The following ZNF521 variants were observed in gnomAD, a reference collection of about 807,000 sequenced individuals.
ZNF521 encodes zinc finger protein 521.
ZNF521 carries 14 observed loss-of-function variants against 105.5 expected under a neutral mutation model. The ratio of observed to expected loss-of-function variants is 0.13; its 90% CI spans 0.09 to 0.21. The LOEUF is 0.21. Ranked by LOEUF, ZNF521 falls within the 10% of genes least tolerant of loss-of-function variation. The probability of loss-of-function intolerance (pLI) is 1.00; values close to 1 mark genes in which losing one functional copy is unlikely to be tolerated. For missense variants in ZNF521, 1,233 were observed against 1,629.7 expected, an observed-to-expected ratio of 0.76 and a Z score of 4.19; for synonymous variants, 635 against 606.0, an observed-to-expected ratio of 1.05 and a Z score of -0.70.
intron 5 of ZNF521, among the ~76,000 whole-genome samples, chr18:25,119,397 C>A (rs75889995): frequency 6.6e-6 from 1 of 152,044 alleles, no homozygotes; most frequent in Non-Finnish European, 1.5e-5. Context: ...ATACATTCAT[C>A]AAGATTGACC....
chr18:25,246,729 A>T (rs1907750907), intron 3 of ZNF521, among the ~76,000 whole-genome samples: 1 of 152,218 alleles, frequency 6.6e-6, no homozygotes, highest in African/African-American at 2.4e-5. Flanking sequence ...TAATGTGAGC[A>T]TTGATTTCCT....
chr18:25,339,533 C>G (rs1914082964), intron 2 of ZNF521, among the ~76,000 whole-genome samples: 1 of 152,108 alleles, frequency 6.6e-6, no homozygotes, highest in South Asian at 2.1e-4. Context: ...ATAACTCTAC[C>G]AGGATATAGA....
At chr18:25,105,136 A>G (rs907377225) in intron 5 of ZNF521, among the ~76,000 whole-genome samples, 1 of 152,198 alleles carries the variant, frequency 6.6e-6, no homozygotes, top group Non-Finnish European at 1.5e-5. Context: ...TTCTTCCTCT[A>G]CCAGATACTC....
At chr18:25,214,332 A>G (rs2036243936) in intron 4 of ZNF521, among the ~76,000 whole-genome samples, 1 of 152,032 alleles carries the variant, frequency 6.6e-6, no homozygotes, top group African/African-American at 2.4e-5. Context: ...TCCCCTTTTC[A>G]TTATTAATAT....
chr18:25,168,845 G>T (rs1600112728), intron 5 of ZNF521, among the ~76,000 whole-genome samples: 1 of 152,094 alleles, frequency 6.6e-6, no homozygotes, highest in Non-Finnish European at 1.5e-5. Context: ...GGGAAGGCAG[G>T]TTAGTATTTC....
At chr18:25,113,793 C>CACACACACACAG (rs1053377440) in intron 5 of ZNF521, among the ~76,000 whole-genome samples, 4 of 147,868 alleles carry the variant, frequency 2.7e-5, no homozygotes, top group African/African-American at 9.9e-5. Context: ...CACACACACA[C>CACACACACACAG]AGAGACGGGG....
intron 3 of ZNF521, among the ~76,000 whole-genome samples, chr18:25,290,466 G>C (rs1371881158): frequency 6.6e-6 from 1 of 152,182 alleles, no homozygotes; most frequent in East Asian, 1.9e-4. Context: ...TGGGCCCCTC[G>C]CTGGGAGCCC....
intron 7 of ZNF521, among the ~76,000 whole-genome samples, chr18:25,071,844 T>G (rs999967955): frequency 2.6e-5 from 4 of 152,096 alleles, no homozygotes; most frequent in Non-Finnish European, 2.9e-5. Context: ...GCCCTTCACC[T>G]TATGTCAGAG....
At chr18:25,191,426 G>A (rs951621440) in intron 5 of ZNF521, among the ~76,000 whole-genome samples, 1 of 152,020 alleles carries the variant, frequency 6.6e-6, no homozygotes, top group Admixed American at 6.6e-5. Flanking sequence ...ACTGGCCTTC[G>A]ATGGTGAGTG....
intron 4 of ZNF521, among the ~76,000 whole-genome samples, chr18:25,212,323 A>T (rs778238269): frequency 6.6e-6 from 1 of 151,136 alleles, no homozygotes; most frequent in Non-Finnish European, 1.5e-5. Flanking sequence ...CAGCCTGGCC[A>T]ACATAGTGAA....
chr18:25,071,216 TACTGC>T (rs1264842978), intron 7 of ZNF521, among the ~76,000 whole-genome samples: 2 of 152,172 alleles, frequency 1.3e-5, no homozygotes, highest in African/African-American at 4.8e-5. Context: ...ATATATACCG[TACTGC>T]AGTAAAACGT....
chr18:25,160,102 G>A (rs1231165113), intron 5 of ZNF521, among the ~76,000 whole-genome samples: 1 of 152,202 alleles, frequency 6.6e-6, no homozygotes, highest in Non-Finnish European at 1.5e-5. Context: ...TCTGGTTCAA[G>A]GTGGAATTTT....
At chr18:25,158,410 TTTAA>T (rs1235268410) in intron 5 of ZNF521, among the ~76,000 whole-genome samples, 3 of 152,104 alleles carry the variant, frequency 2.0e-5, no homozygotes, top group Non-Finnish European at 4.4e-5. Flanking sequence ...TAATTTAAAT[TTTAA>T]TTAATTATTC....
chr18:25,136,431 G>A (rs537492665), intron 5 of ZNF521, among the ~76,000 whole-genome samples: 4 of 152,290 alleles, frequency 2.6e-5, no homozygotes, highest in Admixed American at 1.3e-4. Flanking sequence ...CATGGGTTGG[G>A]TAATTACTGT....
chr18:25,146,989 T>C (rs763731439), intron 5 of ZNF521, among the ~76,000 whole-genome samples: 2 of 152,162 alleles, frequency 1.3e-5, no homozygotes, highest in African/African-American at 2.4e-5. Context: ...TATGATTACA[T>C]AGGCATCAGA....
At chr18:25,165,388 ATCCCT>A (rs1434617302) in intron 5 of ZNF521, among the ~76,000 whole-genome samples, 4 of 152,300 alleles carry the variant, frequency 2.6e-5, no homozygotes, top group Admixed American at 2.6e-4. Context: ...CAGTAATTCA[ATCCCT>A]GTGGAAGCTT....
At chr18:25,116,873 A>ATATATATATATACG (rs1164170919) in intron 5 of ZNF521, among the ~76,000 whole-genome samples, 19 of 4,958 alleles carry the variant, frequency 3.8e-3, no homozygotes, top group Admixed American at 0.022. Flanking sequence ...ATATATACGT[A>ATATATATATATACG]TATATATATA....
intron 3 of ZNF521, among the ~76,000 whole-genome samples, chr18:25,256,042 G>GAT (rs535000394): frequency 3.2e-4 from 47 of 146,718 alleles, no homozygotes; most frequent in Middle Eastern, 3.6e-3. Context: ...GTATATATAT[G>GAT]ATATATATAT....
chr18:25,091,746 T>G (rs779487563), intron 6 of ZNF521, among the ~76,000 whole-genome samples: 2 of 152,258 alleles, frequency 1.3e-5, no homozygotes, highest in Non-Finnish European at 2.9e-5. Context: ...TTGTTCATCC[T>G]GACAGTTAAC....
Sources: gnomAD v4.1 joint callset for allele counts (sites outside exome capture counted in the v4.1 genomes callset) on GRCh38, gnomAD v4.1.1 for gene constraint, MANE v1.5 for transcripts, NCBI Gene and HGNC (gene_info 2026-07-23, HGNC 2026-07-21) for gene names.